Variants in DOCK4 observed in about 807,000 individuals in gnomAD.
The protein encoded by DOCK4 is dedicator of cytokinesis protein 4.
DOCK4 carries 97 observed loss-of-function variants against 268.1 expected under a neutral mutation model. That is an observed-to-expected ratio of 0.36 (90% CI 0.31 to 0.43). The LOEUF is 0.43. Ranked by LOEUF, DOCK4 falls within the 20% of genes least tolerant of loss-of-function variation. The pLI, the probability that DOCK4 is intolerant of heterozygous loss-of-function variation, is 1.00. For missense variants in DOCK4, 2,145 were observed against 2,455.7 expected, an observed-to-expected ratio of 0.87 and a Z score of 2.67; for synonymous variants, 954 against 887.2, an observed-to-expected ratio of 1.08 and a Z score of -1.34.
intron 28 of DOCK4, among the ~76,000 whole-genome samples, chr7:111,810,687 T>C (rs1184275660): frequency 7.9e-5 from 12 of 151,852 alleles, no homozygotes; most frequent in African/African-American, 2.7e-4. Flanking sequence ...ATTCCACTAA[T>C]AAATATTTAT....
intron 24 of DOCK4, among the ~76,000 whole-genome samples, chr7:111,845,495 C>T (rs1385740108): frequency 1.3e-5 from 2 of 152,160 alleles, no homozygotes; most frequent in Admixed American, 1.3e-4. Flanking sequence ...ATAGTATCCA[C>T]GCCCCAGGAC....
At chr7:111,841,152 G>GATTTATTTATTT (rs10561221) in intron 25 of DOCK4, among the ~76,000 whole-genome samples, 33 of 150,450 alleles carry the variant, frequency 2.2e-4, no homozygotes, top group African/African-American at 6.9e-4. Context: ...TATTTTCTCT[G>GATTTATTTATTT]ATTTATTTAT....
chr7:112,140,984 T>C (rs1461692570), intron 1 of DOCK4, among the ~76,000 whole-genome samples: 2 of 152,174 alleles, frequency 1.3e-5, no homozygotes, highest in Non-Finnish European at 2.9e-5. Context: ...TCTTTCTAAA[T>C]GCCCTGTCTT....
At chr7:111,777,798 G>A (rs1168430624) in intron 36 of DOCK4, among the ~76,000 whole-genome samples, 1 of 151,720 alleles carries the variant, frequency 6.6e-6, no homozygotes. Context: ...TTATAAGGGA[G>A]AGTTTCCCTA....
chr7:111,849,747 T>A (rs1804399323), intron 23 of DOCK4, among the ~76,000 whole-genome samples: 1 of 152,108 alleles, frequency 6.6e-6, no homozygotes, highest in South Asian at 2.1e-4. Context: ...GGAGCAGGGG[T>A]CCCCAGAGTT....
chr7:111,969,667 T>A (rs1301738978), intron 8 of DOCK4, among the ~76,000 whole-genome samples: 9 of 112,210 alleles, frequency 8.0e-5, no homozygotes, highest in Non-Finnish European at 5.6e-5. Flanking sequence ...TAAAAACCAT[T>A]AGTTGAACCA....
At chr7:111,905,154 C>A (rs150741751) in intron 13 of DOCK4, among the ~76,000 whole-genome samples, 1 of 152,242 alleles carries the variant, frequency 6.6e-6, no homozygotes, top group East Asian at 1.9e-4. Flanking sequence ...GAAACAAGTG[C>A]TAATTAAATC....
At chr7:111,824,550 A>AGTGGTAGTG (rs1802251554) in intron 26 of DOCK4, among the ~76,000 whole-genome samples, 1 of 151,926 alleles carries the variant, frequency 6.6e-6, no homozygotes, top group Admixed American at 6.6e-5. Context: ...CAGCACTCTT[A>AGTGGTAGTG]GTGGTAGTGG....
At chr7:112,015,446 T>G (rs1251509487) in intron 1 of DOCK4, among the ~76,000 whole-genome samples, 1 of 151,944 alleles carries the variant, frequency 6.6e-6, no homozygotes, top group East Asian at 1.9e-4. Flanking sequence ...GTCTATGGAG[T>G]AGCCATTCTT....
chr7:112,068,645 T>C (rs531059679), intron 1 of DOCK4, among the ~76,000 whole-genome samples: 1 of 152,318 alleles, frequency 6.6e-6, no homozygotes, highest in South Asian at 2.1e-4. Flanking sequence ...TAAGGCAACC[T>C]AAAGAGCAAA....
chr7:111,982,223 G>GCCAT (rs1243396299), intron 7 of DOCK4, among the ~76,000 whole-genome samples: 3 of 152,146 alleles, frequency 2.0e-5, no homozygotes, highest in African/African-American at 7.2e-5. Context: ...GGTGATGGAA[G>GCCAT]CCATGTTCAA....
In DOCK4 at chr7:111,726,750, C is replaced by A. The variant is rs1794673826; in HGVS notation, c.*1524G>T. On this transcript the variant is annotated 3_prime_UTR_variant, in exon 53 of 53. Coordinates refer to ENST00000428084, the MANE Select transcript of DOCK4 (RefSeq NM_001363540.2). ...AATTATAACAATCATACTGCATCAA[C>A]AACTGTTTGCGTTTATTTTTACTTT... 1 of 152,612 alleles carries A rather than the reference C, an allele frequency of 6.6e-6. No individual in the cohort carries two copies. Among genetic ancestry groups the A allele is most frequent in the African/African-American group, 2.4e-5 (1 of 41,448 alleles). The allele number at this position is 152,612 out of a possible 1,614,324, so 9.5% of individuals were successfully genotyped here.
chr7:112,036,077 T>C (rs1193527326), intron 1 of DOCK4, among the ~76,000 whole-genome samples: 2 of 152,118 alleles, frequency 1.3e-5, no homozygotes, highest in Non-Finnish European at 2.9e-5. Context: ...AGAAGACCCA[T>C]GTCTTTAAAA....
At chr7:111,961,414 C>T (rs944179964) in intron 8 of DOCK4, among the ~76,000 whole-genome samples, 1 of 152,224 alleles carries the variant, frequency 6.6e-6, no homozygotes, top group East Asian at 1.9e-4. Flanking sequence ...ACTTCACTTA[C>T]TCTTACCATG....
chr7:112,004,282 A>G (rs1195914892), intron 1 of DOCK4, 151 bp from the exon 2 acceptor site: 2 of 590,974 alleles, frequency 3.4e-6, no homozygotes, highest in Non-Finnish European at 5.7e-6. Flanking sequence ...TCTTTCTAAG[A>G]AAATCACTAA....
chr7:111,960,820 G>A (rs1157662447), intron 8 of DOCK4, among the ~76,000 whole-genome samples: 2 of 152,054 alleles, frequency 1.3e-5, no homozygotes, highest in Admixed American at 6.5e-5. Flanking sequence ...TTAACATAAT[G>A]TCCTCCAGGT....
chr7:111,858,295 C>T (rs2134157571), intron 23 of DOCK4, among the ~76,000 whole-genome samples: 1 of 152,292 alleles, frequency 6.6e-6, no homozygotes, highest in South Asian at 2.1e-4. Context: ...CCTTTGCATG[C>T]CTCCTCTGCT....
At chr7:112,164,313 T>G (rs1817397566) in intron 1 of DOCK4, among the ~76,000 whole-genome samples, 1 of 152,104 alleles carries the variant, frequency 6.6e-6, no homozygotes, top group South Asian at 2.1e-4. Context: ...ATTTGTATTC[T>G]AATCATATTA....
chr7:111,904,809 G>A (rs1791425398), intron 13 of DOCK4, among the ~76,000 whole-genome samples: 2 of 152,274 alleles, frequency 1.3e-5, no homozygotes, highest in South Asian at 4.2e-4. Context: ...GGGTAAATGA[G>A]AGGTGGTAGG....
Sources: allele counts gnomAD v4.1 joint callset (sites outside exome capture counted in the v4.1 genomes callset), GRCh38; gene constraint gnomAD v4.1.1; transcripts MANE v1.5; gene names NCBI Gene and HGNC (gene_info 2026-07-23, HGNC 2026-07-21).